The following TBC1D5 variants were observed in gnomAD, a reference collection of about 807,000 sequenced individuals.
TBC1D5 encodes the protein TBC1 domain family, member 5.
TBC1D5 carries 75 observed loss-of-function variants against 100.3 expected under a neutral mutation model. That is an observed-to-expected ratio of 0.75 (90% CI 0.62 to 0.91). The LOEUF is 0.91. Ranked by LOEUF, TBC1D5 falls within the 40% of genes least tolerant of loss-of-function variation. The pLI is 0.00. For missense variants in TBC1D5, 910 were observed against 942.4 expected (o/e 0.97, Z 0.45); for synonymous variants, 323 against 325.6 (o/e 0.99, Z 0.09).
At chr3:17,685,036 G>A (rs1386740807) in intron 1 of TBC1D5, among the ~76,000 whole-genome samples, 1 of 152,010 alleles carries the variant, frequency 6.6e-6, no homozygotes, top group Non-Finnish European at 1.5e-5. Context: ...AATGCAGACT[G>A]AGGTTTACAT....
intron 3 of TBC1D5, among the ~76,000 whole-genome samples, chr3:17,476,437 G>A (rs2095439044): frequency 6.6e-6 from 1 of 151,864 alleles, no homozygotes; most frequent in Non-Finnish European, 1.5e-5. Flanking sequence ...GCTCTGTCAT[G>A]TATTTGGTTT....
In TBC1D5 at chr3:17,404,868, T is replaced by C. The variant is rs756217040; in HGVS notation, c.366+4A>G. On this transcript the variant is annotated splice_donor_region_variant and intron_variant, in intron 6 of 21. Coordinates refer to ENST00000253692, the Ensembl canonical transcript of TBC1D5. ...TACATTAATTAAATATACTATTTAC[T>C]TACTATTTCTTTAATGTTGCTATAC... The C allele has an allele frequency of 1.3e-6, 2 of 1,568,816 alleles. No homozygotes were observed. Among genetic ancestry groups the C allele is most frequent in the Non-Finnish European group, 1.7e-6 (2 of 1,151,558 alleles).
At chr3:17,335,536 C>T (rs190458058) in intron 13 of TBC1D5, among the ~76,000 whole-genome samples, 111 of 152,200 alleles carry the variant, frequency 7.3e-4, no homozygotes, top group Admixed American at 2.4e-3. Flanking sequence ...AAAAAATTTC[C>T]TTGGTGATAA....
At chr3:17,297,358 T>G (rs1281835874) in intron 14 of TBC1D5, among the ~76,000 whole-genome samples, 1 of 152,126 alleles carries the variant, frequency 6.6e-6, no homozygotes, top group Non-Finnish European at 1.5e-5. Flanking sequence ...GGGCGGATCA[T>G]GAGGTCAGGA....
intron 15 of TBC1D5, among the ~76,000 whole-genome samples, chr3:17,264,082 GACCT>G: frequency 6.6e-6 from 1 of 151,964 alleles, no homozygotes; most frequent in South Asian, 2.1e-4. Flanking sequence ...TAGATCAGCT[GACCT>G]ACCTCCTCTC....
intron 3 of TBC1D5, among the ~76,000 whole-genome samples, chr3:17,506,819 G>A (rs1249305555): frequency 2.0e-5 from 3 of 151,274 alleles, no homozygotes; most frequent in Non-Finnish European, 2.9e-5. Flanking sequence ...AAAAATACGT[G>A]CTTAAAAAAC....
chr3:17,272,206 G>A (rs1026961416), intron 15 of TBC1D5, among the ~76,000 whole-genome samples: 1 of 152,148 alleles, frequency 6.6e-6, no homozygotes, highest in African/African-American at 2.4e-5. Flanking sequence ...ACTACTTAAT[G>A]ATTATTGATA....
intron 17 of TBC1D5, among the ~76,000 whole-genome samples, chr3:17,220,757 G>C (rs2074185688): frequency 6.6e-6 from 1 of 151,980 alleles, no homozygotes; most frequent in Non-Finnish European, 1.5e-5. Flanking sequence ...CCTTGGAGGT[G>C]GTGGAAAATG....
intron 3 of TBC1D5, among the ~76,000 whole-genome samples, chr3:17,481,355 T>C (rs1000349922): frequency 1.3e-5 from 2 of 152,152 alleles, no homozygotes; most frequent in African/African-American, 4.8e-5. Flanking sequence ...AAGCACAGCC[T>C]GCCAAGCCAA....
exon 8 of TBC1D5, chr3:17,403,218 C>T: frequency 6.3e-7 from 1 of 1,591,298 alleles, no homozygotes; most frequent in South Asian, 1.1e-5. Context: ...GATCGAAGTT[C>T]TTTATCTTGG....
intron 4 of TBC1D5, among the ~76,000 whole-genome samples, chr3:17,422,847 GATAC>G (rs1368575229): frequency 6.6e-5 from 10 of 151,930 alleles, no homozygotes; most frequent in African/African-American, 2.4e-4. Flanking sequence ...ATGCAACTAA[GATAC>G]ATACAAAATT....
At chr3:17,493,101 T>A (rs2095659431) in intron 3 of TBC1D5, among the ~76,000 whole-genome samples, 1 of 152,226 alleles carries the variant, frequency 6.6e-6, no homozygotes, top group Admixed American at 6.5e-5. Flanking sequence ...TAGTGCTTCC[T>A]TCAGGAGATC....
chr3:17,225,247 T>C, intron 17 of TBC1D5, among the ~76,000 whole-genome samples: 1 of 151,992 alleles, frequency 6.6e-6, no homozygotes, highest in Non-Finnish European at 1.5e-5. Context: ...GAGACCAGCC[T>C]GGCCAACATG....
chr3:17,374,396 T>C, intron 12 of TBC1D5, 75 bp downstream of exon 12: 1 of 1,390,486 alleles, frequency 7.2e-7, no homozygotes, highest in South Asian at 1.3e-5. Flanking sequence ...TACTATTCTT[T>C]GGTTACATGT....
At chr3:17,463,645 A>G (rs1180481381) in intron 3 of TBC1D5, among the ~76,000 whole-genome samples, 1 of 152,222 alleles carries the variant, frequency 6.6e-6, no homozygotes, top group African/African-American at 2.4e-5. Flanking sequence ...AAAATATCAA[A>G]ATTTTAAATG....
chr3:17,448,879 C>T (rs1012526813), intron 3 of TBC1D5, among the ~76,000 whole-genome samples: 2 of 152,216 alleles, frequency 1.3e-5, no homozygotes, highest in African/African-American at 4.8e-5. Flanking sequence ...ACAAGAGAGT[C>T]AGCCTGTCCT....
chr3:17,740,879 G>C (rs1280418083), exon 1 of TBC1D5: 1 of 152,136 alleles, frequency 6.6e-6, no homozygotes, highest in Non-Finnish European at 1.5e-5. Context: ...GCTTCTAATG[G>C]AAAATTCACA....
intron 19 of TBC1D5, among the ~76,000 whole-genome samples, chr3:17,170,909 C>T (rs958289144): frequency 6.6e-6 from 1 of 152,162 alleles, no homozygotes; most frequent in Non-Finnish European, 1.5e-5. Flanking sequence ...CTTTAACTGG[C>T]AAGTTCAAGC....
chr3:17,739,130 C>T (rs1421618411), intron 1 of TBC1D5, among the ~76,000 whole-genome samples: 2 of 152,106 alleles, frequency 1.3e-5, no homozygotes, highest in African/African-American at 4.8e-5. Context: ...CCCGACCTCA[C>T]ATTTCTCAAG....
Sources: allele counts gnomAD v4.1 joint callset (sites outside exome capture counted in the v4.1 genomes callset), GRCh38; gene constraint gnomAD v4.1.1; transcripts MANE v1.5; gene names NCBI Gene and HGNC (gene_info 2026-07-23, HGNC 2026-07-21).